Variants in ABCA1 observed in about 807,000 individuals in gnomAD.
The protein encoded by ABCA1 is phospholipid-transporting ATPase ABCA1.
A neutral mutation model predicts 262.5 loss-of-function variants in ABCA1; 133 were observed. The observed-to-expected ratio is 0.51, with a 90% CI of 0.44 to 0.59. ABCA1 has a LOEUF of 0.59. Ranked by LOEUF, ABCA1 falls within the 20% of genes least tolerant of loss-of-function variation. ABCA1 has a pLI of 0.00. For synonymous variants in ABCA1, 1,022 were observed against 1,043.5 expected (o/e 0.98, Z 0.40); for missense variants, 2,452 against 2,777.5 (o/e 0.88, Z 2.63).
At chr9:104,785,059 G>A (rs1243259146) in intron 49 of ABCA1, among the ~76,000 whole-genome samples, 1 of 152,136 alleles carries the variant, frequency 6.6e-6, no homozygotes, top group Non-Finnish European at 1.5e-5. Flanking sequence ...TATTTACTGA[G>A]TACTTCTTAA....
At chr9:104,810,948 CA>C (rs1564111981) in intron 28 of ABCA1, 24 bp from the exon 29 acceptor site, 2 of 1,613,884 alleles carry the variant, frequency 1.2e-6, no homozygotes, top group East Asian at 2.2e-5. Flanking sequence ...GTGGAGGGGG[CA>C]GGGGGACAGC....
At position 104,858,589 on chromosome 9, in the gene ABCA1, G is replaced by A. The variant is rs1194021838; in HGVS notation, c.653C>T (p.Pro218Leu). 6.2e-7 allele frequency: 1 copy of A among 1,614,114 alleles called. No individual in the cohort carries two copies. Among genetic ancestry groups the A allele is most frequent in the East Asian group, 2.2e-5 (1 of 44,874 alleles). Residue 218 changes from proline (P) to leucine (L), a missense_variant, in exon 7 of 50, where the codon CCA (proline) becomes CTA (leucine). Coordinates refer to ENST00000374736, the MANE Select transcript of ABCA1 (RefSeq NM_005502.4). ...DQEVSELCGL[P>L]REKLAAAERV... Reference sequence around the variant, plus strand: ...CTCTGCTGCAGCCAGTTTCTCCCTTGGTAGGCCACAAAGCTCAGAAACTTC... The same window carrying A: ...CTCTGCTGCAGCCAGTTTCTCCCTTAGTAGGCCACAAAGCTCAGAAACTTC...
intron 1 of ABCA1, among the ~76,000 whole-genome samples, chr9:104,915,276 A>G (rs967724638): frequency 6.6e-6 from 1 of 152,212 alleles, no homozygotes; most frequent in South Asian, 2.1e-4. Context: ...AGACACTTCT[A>G]TTTCTGCAGC....
Position 104,821,642 on chromosome 9 carries a change from C to T in ABCA1, c.2829-136G>A, listed in dbSNP as rs745373282. 1,065 of 1,028,990 alleles carry T rather than the reference C, an allele frequency of 1.0e-3. 2 individuals are homozygous for T. Among genetic ancestry groups the T allele is most frequent in the Non-Finnish European group, 1.4e-3 (968 of 696,358 alleles). The allele number at this position is 1,028,990 out of a possible 1,614,324, so 63.7% of individuals were successfully genotyped here. On this transcript the variant is annotated intron_variant, in intron 19 of 49. Transcript: ENST00000374736. Reference sequence around the variant, plus strand: ...TTCCTTTCTAATGAACCCTACCAGACCCACACAAAGCAAAGCTGTCCTTTT... The same window carrying T: ...TTCCTTTCTAATGAACCCTACCAGATCCACACAAAGCAAAGCTGTCCTTTT...
Position 104,836,040 on chromosome 9 carries a change from G to A in ABCA1, c.1311+940C>T, listed in dbSNP as rs1288200156. Among the ~76,000 whole-genome samples, 4 of 152,314 alleles carry A rather than the reference G, an allele frequency of 2.6e-5. No individual in the cohort carries two copies. The East Asian group carries it at 7.7e-4, about 29-fold the overall frequency. On this transcript the variant is annotated intron_variant, in intron 11 of 49. Coordinates refer to ENST00000374736, the MANE Select transcript of ABCA1 (RefSeq NM_005502.4). ...GGCTAGATCATATAACCCTCCTTTA[G>A]AGAAGAGACCCCACTTTAATGGCAT...
intron 12 of ABCA1, 77 bp downstream of exon 12, chr9:104,832,497 C>T: frequency 6.6e-7 from 1 of 1,508,680 alleles, no homozygotes; most frequent in Non-Finnish European, 9.2e-7. Context: ...AACTTGCCTC[C>T]TGCCTGAACC....
rs767388455 is a variant in ABCA1 at position 104,827,059 on chromosome 9, T to C, written c.2226A>G (p.Arg742=). The change falls in exon 16 of 50, where the codon AGA becomes AGG. Residue 742 remains arginine, a synonymous_variant. Transcript: ENST00000374736. The stretch of plus-strand genomic sequence containing the variant: ...CCCCACAGGCTGCTGCCAGGTTGGC[T>C]CTGGAGAAGAGTGTGCTAATCAGGA... ...QCFLISTLFS[R]ANLAAACGGI... 1.2e-6 allele frequency: 2 copies of C among 1,614,064 alleles called. No individual in the cohort carries two copies. Among genetic ancestry groups the C allele is most frequent in the South Asian group, 1.1e-5 (1 of 91,088 alleles).
chr9:104,858,748 T>C, intron 6 of ABCA1, 50 bp from the exon 7 acceptor site: 1 of 1,600,920 alleles, frequency 6.2e-7, no homozygotes. Flanking sequence ...ATTATGAAGA[T>C]TGGAAGCTGG....
intron 14 of ABCA1, 121 bp downstream of exon 14, chr9:104,830,804 A>G: frequency 5.2e-6 from 6 of 1,161,574 alleles, no homozygotes; most frequent in Non-Finnish European, 6.5e-6. Context: ...ACTGTTGACA[A>G]CTTACATCTG....
intron 34 of ABCA1, among the ~76,000 whole-genome samples, chr9:104,801,679 T>C (rs1305161588): frequency 6.6e-6 from 1 of 152,100 alleles, no homozygotes; most frequent in East Asian, 1.9e-4. Flanking sequence ...GTAGCTGGGA[T>C]TACAGGTGTG....
At chr9:104,784,556 G>A (rs1013685037) in intron 49 of ABCA1, 101 bp from the exon 50 acceptor site, 3 of 1,393,916 alleles carry the variant, frequency 2.2e-6, no homozygotes, top group South Asian at 2.4e-5. Context: ...TCAAGTAGGA[G>A]CATACAGAAT....
chr9:104,835,519 A>C (rs1833744678), intron 11 of ABCA1, among the ~76,000 whole-genome samples: 1 of 152,102 alleles, frequency 6.6e-6, no homozygotes, highest in Admixed American at 6.5e-5. Context: ...TGCCTTGGCC[A>C]CTTGGAGAGC....
intron 3 of ABCA1, among the ~76,000 whole-genome samples, chr9:104,888,501 G>T (rs982132541): frequency 6.6e-6 from 1 of 152,156 alleles, no homozygotes; most frequent in South Asian, 2.1e-4. Context: ...CTTGTCCAAG[G>T]TCATATGCTT....
At chr9:104,846,204 G>C (rs1834862742) in intron 7 of ABCA1, among the ~76,000 whole-genome samples, 1 of 152,162 alleles carries the variant, frequency 6.6e-6, no homozygotes, top group Non-Finnish European at 1.5e-5. Context: ...AATTAGGGCA[G>C]AAAGCATAAG....
intron 11 of ABCA1, 143 bp downstream of exon 11, chr9:104,836,837 C>G: frequency 1.4e-6 from 1 of 697,106 alleles, no homozygotes; most frequent in Non-Finnish European, 2.6e-6. Context: ...AGGTGGTGCC[C>G]TGTGACTTTA....
intron 7 of ABCA1, chr9:104,856,132 A>G: frequency 6.5e-7 from 1 of 1,543,842 alleles, no homozygotes; most frequent in African/African-American, 1.4e-5. Context: ...AGCAATAGAA[A>G]AAGGCTGCTT....
intron 8 of ABCA1, among the ~76,000 whole-genome samples, chr9:104,843,174 T>C (rs1834538732): frequency 3.9e-5 from 6 of 152,186 alleles, no homozygotes; most frequent in South Asian, 2.1e-4. Context: ...TCCTGTGGCA[T>C]TGTACACTGA....
At chr9:104,823,427 C>T (rs1489822852) in intron 18 of ABCA1, among the ~76,000 whole-genome samples, 1 of 152,192 alleles carries the variant, frequency 6.6e-6, no homozygotes, top group Non-Finnish European at 1.5e-5. Flanking sequence ...TCTACAGTTA[C>T]ACATGCTGCT....
At chr9:104,795,480 C>T (rs763344989) in intron 39 of ABCA1, among the ~76,000 whole-genome samples, 1 of 152,178 alleles carries the variant, frequency 6.6e-6, no homozygotes, top group Non-Finnish European at 1.5e-5. Flanking sequence ...TCTAGGATAA[C>T]TCTAAGAGCC....
Sources: gnomAD v4.1 joint callset for allele counts (sites outside exome capture counted in the v4.1 genomes callset) on GRCh38, gnomAD v4.1.1 for gene constraint, MANE v1.5 for transcripts, NCBI Gene and HGNC (gene_info 2026-07-23, HGNC 2026-07-21) for gene names.